The following SEMA4F variants were observed in gnomAD, a reference collection of about 807,000 sequenced individuals.
The protein encoded by SEMA4F is ssemaphorin 4F.
Under a neutral mutation model 78.4 loss-of-function variants are expected in SEMA4F, and 51 were observed. The ratio of observed to expected loss-of-function variants is 0.65; its 90% CI spans 0.52 to 0.82. SEMA4F has a LOEUF of 0.82. Ranked by LOEUF, SEMA4F falls within the 40% of genes least tolerant of loss-of-function variation. SEMA4F has a pLI of 0.00. For synonymous variants in SEMA4F, 418 were observed against 408.7 expected (o/e 1.02, Z -0.27); for missense variants, 938 against 1,014.4 (o/e 0.92, Z 1.02).
chr2:74,706,410 AG>A, the SEMA4F span, among the ~76,000 whole-genome samples: 1 of 151,112 alleles, frequency 6.6e-6, no homozygotes, highest in African/African-American at 2.5e-5. Flanking sequence ...AGGTCCAGGC[AG>A]ACCCAGATCA....
intron 5 of SEMA4F, among the ~76,000 whole-genome samples, chr2:74,664,528 C>T (rs1373536848): frequency 1.3e-5 from 2 of 152,114 alleles, no homozygotes; most frequent in Admixed American, 1.3e-4. Flanking sequence ...CATTTAATGG[C>T]TCATTATCTG....
chr2:74,679,822 C>T lies in SEMA4F; in HGVS notation c.1926C>T (p.Tyr642=). The T allele has an allele frequency of 6.2e-7, 1 of 1,614,172 alleles. No homozygotes were observed. Among genetic ancestry groups the T allele is most frequent in the Non-Finnish European group, 8.5e-7 (1 of 1,180,018 alleles). The part of the protein sequence containing the change: ...EGGAAHVVAA[Y]SLVWGSQRDA... ...GGGCAGCCCATGTGGTAGCAGCTTA[C>T]AGCTTGGTATGGGGCAGCCAGCGAG... Residue 642 remains tyrosine (Y), a synonymous_variant, in exon 14 of 14, where the codon TAC becomes TAT. Transcript: ENST00000357877.
chr2:74,679,364 T>C, intron 13 of SEMA4F, 30 bp downstream of exon 13: 3 of 1,576,942 alleles, frequency 1.9e-6, no homozygotes, highest in Non-Finnish European at 2.6e-6. Flanking sequence ...ATTAGGGAAA[T>C]GTGGGTGGAG....
At chr2:74,673,652 G>T in intron 6 of SEMA4F, 25 bp from the exon 7 acceptor site, 2 of 1,613,032 alleles carry the variant, frequency 1.2e-6, no homozygotes, top group Non-Finnish European at 1.7e-6. Flanking sequence ...TGTCTGTGAG[G>T]ATCTGAGGCC....
Position 74,654,304 on chromosome 2 carries a change from C to A in SEMA4F, c.-73C>A. The A allele has an allele frequency of 1.5e-6, 2 of 1,369,314 alleles. No individual in the cohort carries two copies. The highest frequency in any genetic ancestry group is 9.4e-7 in the Non-Finnish European group (1 of 1,067,272). The allele number at this position is 1,369,314 out of a possible 1,614,324, so 84.8% of individuals were successfully genotyped here. ...CGAGCCGAGAGGACCCGAGTGGGGC[C>A]GAGGCCAGTAGCCCCGGGGCCCTGA... is the stretch of plus-strand genomic sequence containing the variant. On this transcript the variant is annotated 5_prime_UTR_variant, in exon 1 of 14. Transcript: ENST00000357877.
At position 74,679,988 on chromosome 2, in the gene SEMA4F, G is replaced by T; in HGVS notation, c.2092G>T (p.Val698Leu). 1 of 1,614,214 alleles carries T rather than the reference G, an allele frequency of 6.2e-7. No homozygotes were observed. Among genetic ancestry groups the T allele is most frequent in the Non-Finnish European group, 8.5e-7 (1 of 1,180,046 alleles). Residue 698 changes from valine to leucine, a missense_variant, in exon 14 of 14, where the codon GTG becomes TTG. Coordinates refer to ENST00000357877, the MANE Select transcript of SEMA4F (RefSeq NM_004263.5). ...RQRELLARDK[V>L]GLDLGAPPSG... ...GAGGGAACTTCTGGCTAGAGACAAG[G>T]TGGGCCTGGACCTGGGGGCTCCACC...
intron 12 of SEMA4F, 140 bp downstream of exon 12, chr2:74,676,049 G>A: frequency 1.2e-6 from 1 of 859,948 alleles, no homozygotes; most frequent in Non-Finnish European, 1.7e-6. Context: ...TCACTCGTGT[G>A]TCCTTCTGTC....
chr2:74,703,241 A>C, the SEMA4F span, among the ~76,000 whole-genome samples: 9 of 152,224 alleles, frequency 5.9e-5, no homozygotes, highest in African/African-American at 2.2e-4. Context: ...AGATACAAAA[A>C]AATCTTAAAA....
chr2:74,700,569 G>A, the SEMA4F span, among the ~76,000 whole-genome samples: 1 of 152,118 alleles, frequency 6.6e-6, no homozygotes, highest in African/African-American at 2.4e-5. Flanking sequence ...AGAGCCTGGG[G>A]GTGTGGGAGG....
In SEMA4F at chr2:74,654,335, G is replaced by A. The variant is rs540120853; in HGVS notation, c.-42G>A. On this transcript the variant is annotated 5_prime_UTR_variant, in exon 1 of 14. Coordinates refer to ENST00000357877, the MANE Select transcript of SEMA4F (RefSeq NM_004263.5). ...CAGTAGCCCCGGGGCCCTGAGCAGA[G>A]GCCGTAGCTTGCGCCGCACCCGCGG... is the stretch of plus-strand genomic sequence containing the variant. 6.9e-7 allele frequency: 1 copy of A among 1,440,736 alleles called. No homozygotes were observed. 89.2% of individuals were successfully genotyped at this position (1,440,736 alleles called of 1,614,324 possible).
chr2:74,702,148 A>G, the SEMA4F span, among the ~76,000 whole-genome samples: 2 of 152,154 alleles, frequency 1.3e-5, no homozygotes, highest in African/African-American at 4.8e-5. Flanking sequence ...GCCCTGAGGC[A>G]TTTGCTTTTA....
the SEMA4F span, among the ~76,000 whole-genome samples, chr2:74,702,993 A>G: frequency 6.6e-6 from 1 of 152,214 alleles, no homozygotes; most frequent in Admixed American, 6.5e-5. Flanking sequence ...CCTTTAATTC[A>G]GTATGTATTT....
the SEMA4F span, among the ~76,000 whole-genome samples, chr2:74,702,679 G>A: frequency 6.6e-6 from 1 of 152,242 alleles, no homozygotes; most frequent in South Asian, 2.1e-4. Context: ...GTGAGACTAG[G>A]AAAGTTATTT....
chr2:74,689,013 A>G, the SEMA4F span, among the ~76,000 whole-genome samples: 2 of 152,230 alleles, frequency 1.3e-5, no homozygotes, highest in Non-Finnish European at 2.9e-5. Flanking sequence ...ATTCAAGGAT[A>G]GGCAGATGAG....
chr2:74,679,431 C>A (rs1685464701), intron 13 of SEMA4F, 97 bp downstream of exon 13: 1 of 1,479,138 alleles, frequency 6.8e-7, no homozygotes, highest in Non-Finnish European at 9.4e-7. Flanking sequence ...ACCTTGGATC[C>A]TGGAAGATGT....
Position 74,673,459 on chromosome 2 carries a change from G to A in SEMA4F, c.553G>A (p.Gly185Arg), listed in dbSNP as rs139198252. The change falls in exon 6 of 14, where the codon GGG (glycine) becomes AGG (arginine). Residue 185 changes from glycine to arginine, a missense_variant and splice_region_variant. Physicochemically the swap from Gly to Arg is moderately radical, Grantham distance 125. Transcript: ENST00000357877. ...ATCTCCTCCCTGTCGCCCTGCAGGGGGGGTCCTCTATGCTGCCACTGTGAA... is the reference window on the plus strand; with the variant it reads ...ATCTCCTCCCTGTCGCCCTGCAGGGAGGGTCCTCTATGCTGCCACTGTGAA... ...AQRSAAVMAG[G>R]VLYAATVKNY... 6 of 1,614,072 alleles carry A rather than the reference G, an allele frequency of 3.7e-6. No homozygotes were observed. The highest frequency in any genetic ancestry group is 5.1e-6 in the Non-Finnish European group (6 of 1,180,014).
At position 74,681,785 on chromosome 2, in the gene SEMA4F, C is replaced by T. The variant is rs980948298; in HGVS notation, c.*1576C>T. 4 of 152,684 alleles carry T rather than the reference C, an allele frequency of 2.6e-5. No individual in the cohort carries two copies. The highest frequency in any genetic ancestry group is 7.2e-5 in the African/African-American group (3 of 41,434). The allele number at this position is 152,684 out of a possible 1,614,324, so 9.5% of individuals were successfully genotyped here. A position where few individuals can be genotyped will look rare whatever the true frequency, so the allele number is the denominator to read the frequency against. ...CCTCGTTCATCCCTGGTGCTTGAGCCCCTCAAGCTCCAGTCAATGATCCAG... is the reference window on the plus strand; with the variant it reads ...CCTCGTTCATCCCTGGTGCTTGAGCTCCTCAAGCTCCAGTCAATGATCCAG... On this transcript the variant is annotated 3_prime_UTR_variant, in exon 14 of 14. Coordinates refer to ENST00000357877, the MANE Select transcript of SEMA4F (RefSeq NM_004263.5).
intron 5 of SEMA4F, among the ~76,000 whole-genome samples, chr2:74,672,850 C>A (rs1685056270): frequency 6.6e-6 from 1 of 152,180 alleles, no homozygotes; most frequent in African/African-American, 2.4e-5. Flanking sequence ...TCCTGAATCA[C>A]CTGCATCCGA....
downstream of SEMA4F, among the ~76,000 whole-genome samples, chr2:74,685,788 C>T (rs72909258): frequency 0.024 from 3,624 of 152,134 alleles, 137 homozygotes; most frequent in African/African-American, 0.083. Flanking sequence ...TAAATAAGAT[C>T]GGAGAAAATT....
Sources: allele counts gnomAD v4.1 joint callset (sites outside exome capture counted in the v4.1 genomes callset), GRCh38; gene constraint gnomAD v4.1.1; transcripts MANE v1.5; gene names NCBI Gene and HGNC (gene_info 2026-07-23, HGNC 2026-07-21).